Variants in NDUFAF5 observed in about 807,000 individuals in gnomAD.
The protein encoded by NDUFAF5 is arginine-hydroxylase NDUFAF5, mitochondrial.
In NDUFAF5, 34 loss-of-function variants were observed where a neutral mutation model predicts 48.9. That is an observed-to-expected ratio of 0.70 (90% confidence interval 0.53 to 0.93). NDUFAF5 has a LOEUF of 0.93. Ranked by LOEUF, NDUFAF5 falls within the 40% of genes least tolerant of loss-of-function variation. The pLI is 0.00. For synonymous variants in NDUFAF5, 153 were observed against 150.6 expected (o/e 1.02, Z -0.12); for missense variants, 428 against 427.5 (o/e 1.00, Z -0.01).
At chr20:13,802,089 C>A (rs1226699379) in intron 7 of NDUFAF5, among the ~76,000 whole-genome samples, 1 of 151,892 alleles carries the variant, frequency 6.6e-6, no homozygotes, top group Non-Finnish European at 1.5e-5. Flanking sequence ...CCAAACAGTG[C>A]CATATGAAGC....
intron 7 of NDUFAF5, 51 bp downstream of exon 7, chr20:13,801,734 T>A: frequency 6.8e-7 from 1 of 1,464,912 alleles, no homozygotes; most frequent in Non-Finnish European, 9.6e-7. Flanking sequence ...AAAAAAGAAC[T>A]TCTTATCATT....
Position 13,816,855 on chromosome 20 carries a change from A to G in NDUFAF5, c.863-20A>G, listed in dbSNP as rs755340984. The G allele has an allele frequency of 2.7e-5, 42 of 1,558,442 alleles. No homozygotes were observed. Among genetic ancestry groups the G allele is most frequent in the Non-Finnish European group, 3.7e-5 (42 of 1,129,496 alleles). On this transcript the variant is annotated intron_variant, in intron 9 of 10. Coordinates refer to ENST00000378106, the MANE Select transcript of NDUFAF5 (RefSeq NM_024120.5). ...TCCTACTTGCATTTTTTCAGACTTT[A>G]ACCATTATTGTCTTTTTAGAAATGT...
chr20:13,812,788 AATTCAG>A, intron 8 of NDUFAF5, among the ~76,000 whole-genome samples: 1 of 152,338 alleles, frequency 6.6e-6, no homozygotes, highest in South Asian at 2.1e-4. Context: ...TGATTCTTTA[AATTCAG>A]GTTAACATGT....
Position 13,818,128 on chromosome 20 carries a change from T to C in NDUFAF5, c.*918T>C, listed in dbSNP as rs765871309. 5 of 454,134 alleles carry C rather than the reference T, an allele frequency of 1.1e-5. No homozygotes were observed. The highest frequency in any genetic ancestry group is 7.8e-5 in the South Asian group (5 of 64,482). The allele number at this position is 454,134 out of a possible 1,614,324, so 28.1% of individuals were successfully genotyped here. A position where few individuals can be genotyped will look rare whatever the true frequency, so the allele number is the denominator to read the frequency against. On this transcript the variant is annotated 3_prime_UTR_variant, in exon 11 of 11. Transcript: ENST00000378106. ...CCTTCTGTCTCCTCTCAGTCTCTCT[T>C]CTGCCTTCCTTCCCTCCTTTACTGT...
chr20:13,812,935 C>G (rs774597148), intron 8 of NDUFAF5: 1 of 152,228 alleles, frequency 6.6e-6, no homozygotes, highest in Non-Finnish European at 1.5e-5. Context: ...ATAACCCCCT[C>G]TTTTCCTAAA....
intron 6 of NDUFAF5, among the ~76,000 whole-genome samples, chr20:13,800,648 G>A (rs541255722): frequency 1.2e-4 from 18 of 152,352 alleles, no homozygotes; most frequent in African/African-American, 4.3e-4. Flanking sequence ...CTAGGTTAAT[G>A]CTGTGAATCA....
intron 6 of NDUFAF5, among the ~76,000 whole-genome samples, chr20:13,800,085 T>C (rs1983892830): frequency 1.3e-5 from 2 of 152,074 alleles, no homozygotes; most frequent in African/African-American, 2.4e-5. Context: ...GAGAGACAAA[T>C]GTCCAGGGAA....
At chr20:13,788,880 C>G (rs940771710) in intron 3 of NDUFAF5, among the ~76,000 whole-genome samples, 16 of 150,436 alleles carry the variant, frequency 1.1e-4, no homozygotes, top group African/African-American at 1.7e-4. Flanking sequence ...ATGTTTCTAC[C>G]GATAATTTAT....
At chr20:13,794,784 G>A (rs1212827788) in intron 4 of NDUFAF5, 54 bp from the exon 5 acceptor site, 1 of 1,025,884 alleles carries the variant, frequency 9.7e-7, no homozygotes, top group Non-Finnish European at 1.5e-6. Flanking sequence ...GATTGTGTTA[G>A]TAATTGAGAT....
rs1402680891 is a variant in NDUFAF5 at position 13,798,452 on chromosome 20, A to G, written c.480-9A>G. On this transcript the variant is annotated splice_polypyrimidine_tract_variant and intron_variant, in intron 5 of 10. Coordinates refer to ENST00000378106, the MANE Select transcript of NDUFAF5 (RefSeq NM_024120.5). The stretch of plus-strand genomic sequence containing the variant: ...TAAGCTAAAACAAATCTGTATTCTC[A>G]TATTTTAGTTTGCATTGGGTGAATG... 7 of 1,605,860 alleles carry G rather than the reference A, an allele frequency of 4.4e-6. No homozygotes were observed. Among genetic ancestry groups the G allele is most frequent in the South Asian group, 2.2e-5 (2 of 90,880 alleles).
intron 3 of NDUFAF5, among the ~76,000 whole-genome samples, chr20:13,788,901 A>G (rs1981703184): frequency 6.6e-6 from 1 of 152,066 alleles, no homozygotes; most frequent in Non-Finnish European, 1.5e-5. Context: ...TTGAATCTAT[A>G]GAAGATATAT....
chr20:13,794,911 A>G lies in NDUFAF5; in HGVS notation c.449A>G (p.Asn150Ser), dbSNP rs148341631. 1,125 of 1,612,674 alleles carry G rather than the reference A, an allele frequency of 7.0e-4. 6 individuals carry two copies. In the African/African-American group the frequency reaches 0.012, roughly 18 times the overall value. Reference protein sequence around the residue: ...ADEEFLPFKENTFDLVVSSLS... With the variant: ...ADEEFLPFKESTFDLVVSSLS... ...GAAGAATTCCTTCCCTTCAAAGAAA[A>G]TACATTTGACCTGGTGGTTAGCAGT... The change falls in exon 5 of 11, where the codon AAT becomes AGT. Residue 150 changes from asparagine (N) to serine (S), a missense_variant. By Grantham distance (46) the Asn-to-Ser change is conservative. Transcript: ENST00000378106.
chr20:13,786,779 G>A (rs945196218), intron 1 of NDUFAF5, among the ~76,000 whole-genome samples: 1 of 152,184 alleles, frequency 6.6e-6, no homozygotes, highest in Non-Finnish European at 1.5e-5. Context: ...GATGGGATTG[G>A]AGCAGGGGAG....
At chr20:13,813,207 C>T (rs891013725) in intron 8 of NDUFAF5, among the ~76,000 whole-genome samples, 1 of 152,184 alleles carries the variant, frequency 6.6e-6, no homozygotes, top group Non-Finnish European at 1.5e-5. Flanking sequence ...ACCTTGGCCT[C>T]CCAAAGTGCT....
rs371560528 is a variant in NDUFAF5, at chr20:13,801,634, A to G, written c.668A>G (p.Asn223Ser). 28 of 1,614,082 alleles carry G rather than the reference A, an allele frequency of 1.7e-5. 1 individual carries two copies. The highest frequency in any genetic ancestry group is 1.7e-4 in the Admixed American group (10 of 60,016). ...CACATTTCTCCTTTCACTGCTGTCA[A>G]TGACCTGGGACATCTGCTTGGGAGA... ...SPHISPFTAV[N>S]DLGHLLGRAG... The change falls in exon 7 of 11, where the codon AAT (asparagine) becomes AGT (serine). Residue 223 changes from asparagine to serine, a missense_variant. Physicochemically the swap from Asn to Ser is conservative, Grantham distance 46. Coordinates refer to ENST00000378106, the MANE Select transcript of NDUFAF5 (RefSeq NM_024120.5).
intron 6 of NDUFAF5, among the ~76,000 whole-genome samples, chr20:13,801,089 T>G (rs1039110640): frequency 6.6e-6 from 1 of 152,136 alleles, no homozygotes; most frequent in African/African-American, 2.4e-5. Flanking sequence ...AGACTCCCTA[T>G]CTTGATGAAA....
Position 13,797,893 on chromosome 20 carries a change from C to G in NDUFAF5, c.480-568C>G, listed in dbSNP as rs147097989. On this transcript the variant is annotated intron_variant, in intron 5 of 10. Coordinates refer to ENST00000378106, the MANE Select transcript of NDUFAF5 (RefSeq NM_024120.5). ...ATTTTGCTGTAAACCTAAAACTGCT[C>G]CAAAAATAATTAAAAATAAAGTCTT... 3.8e-3 allele frequency among the ~76,000 whole-genome samples: 575 copies of G among 151,890 alleles called. 3 individuals carry two copies. Among genetic ancestry groups the G allele is most frequent in the African/African-American group, 0.013 (527 of 41,392 alleles).
chr20:13,785,626 C>T (rs956499717), intron 1 of NDUFAF5, among the ~76,000 whole-genome samples: 4 of 152,154 alleles, frequency 2.6e-5, no homozygotes, highest in African/African-American at 9.7e-5. Context: ...TTGGGGTTTT[C>T]TTCTGTATCT....
At chr20:13,796,628 G>A (rs1316737193) in intron 5 of NDUFAF5, among the ~76,000 whole-genome samples, 1 of 152,162 alleles carries the variant, frequency 6.6e-6, no homozygotes, top group Non-Finnish European at 1.5e-5. Flanking sequence ...TAAGGAGACT[G>A]GGAATATGAC....
Sources: gnomAD v4.1 joint callset for allele counts (sites outside exome capture counted in the v4.1 genomes callset) on GRCh38, gnomAD v4.1.1 for gene constraint, MANE v1.5 for transcripts, NCBI Gene and HGNC (gene_info 2026-07-23, HGNC 2026-07-21) for gene names.